The following SMURF2 variants were observed in gnomAD, a reference collection of about 807,000 sequenced individuals.
SMURF2 encodes the protein SMAD specific E3 ubiquitin protein ligase 2.
A neutral mutation model predicts 109.6 loss-of-function variants in SMURF2; 48 were observed. The observed-to-expected ratio is 0.44, with a 90% CI of 0.35 to 0.56. SMURF2 has a LOEUF of 0.56. SMURF2 is among the 20% of genes least tolerant of loss of function. SMURF2 has a pLI of 0.01. For synonymous variants in SMURF2, 288 were observed against 317.1 expected (o/e 0.91, Z 0.97); for missense variants, 575 against 909.0 (o/e 0.63, Z 4.72).
chr17:64,597,187 T>G (rs1969829704), intron 3 of SMURF2, among the ~76,000 whole-genome samples: 1 of 151,998 alleles, frequency 6.6e-6, no homozygotes, highest in Non-Finnish European at 1.5e-5. Flanking sequence ...GGGAGAATCT[T>G]GAGCCCAGGA....
intron 13 of SMURF2, 25 bp downstream of exon 13, chr17:64,557,583 T>C (rs1317978203): frequency 7.3e-7 from 1 of 1,372,622 alleles, no homozygotes; most frequent in African/African-American, 1.4e-5. Flanking sequence ...TTGGTCACAA[T>C]TCACATCATA....
intron 16 of SMURF2, 142 bp downstream of exon 16, chr17:64,551,442 T>C (rs2144589331): frequency 1.1e-6 from 1 of 887,558 alleles, no homozygotes; most frequent in Non-Finnish European, 1.7e-6. Flanking sequence ...TGAAAGACTT[T>C]TCCTGTGAAT....
In SMURF2 at chr17:64,544,984, G is replaced by GA. The variant is rs1293250716; in HGVS notation, c.*863dup. On this transcript the variant is annotated 3_prime_UTR_variant, in exon 19 of 19. Transcript: ENST00000262435. ...AAATCCCATCCCATCCACATGCTCT[G>GA]AGAAGCTATAAAAATGCAGTATTTT... is the stretch of plus-strand genomic sequence containing the variant. 1 of 152,102 alleles carries GA rather than the reference G, an allele frequency of 6.6e-6. No individual in the cohort carries two copies. The highest frequency in any genetic ancestry group is 1.5e-5 in the Non-Finnish European group (1 of 67,968). 9.4% of individuals were successfully genotyped at this position (152,102 alleles called of 1,614,324 possible). A position where few individuals can be genotyped will look rare whatever the true frequency, so the allele number is the denominator to read the frequency against.
intron 1 of SMURF2, among the ~76,000 whole-genome samples, chr17:64,625,665 C>T (rs1167783690): frequency 6.6e-6 from 1 of 152,126 alleles, no homozygotes; most frequent in East Asian, 1.9e-4. Flanking sequence ...CTTATCTCTT[C>T]CTAGAGGGCC....
At chr17:64,620,471 T>C (rs1555690535) in intron 1 of SMURF2, among the ~76,000 whole-genome samples, 1 of 152,160 alleles carries the variant, frequency 6.6e-6, no homozygotes, top group Non-Finnish European at 1.5e-5. Context: ...ACCCCTAGAC[T>C]GACAAGCTCA....
chr17:64,591,331 A>G (rs551500195), intron 4 of SMURF2, among the ~76,000 whole-genome samples, 182 bp from the exon 5 acceptor site: 1 of 151,920 alleles, frequency 6.6e-6, no homozygotes, highest in African/African-American at 2.4e-5. Flanking sequence ...CTTTCTCTCC[A>G]AAACTTTTAG....
Position 64,566,567 on chromosome 17 carries a change from T to G in SMURF2, c.1017-3601A>C, listed in dbSNP as rs1258145329. Among the ~76,000 whole-genome samples, 18 of 76,888 alleles carry G rather than the reference T, an allele frequency of 2.3e-4. 1 individual carries two copies. The highest frequency in any genetic ancestry group is 7.6e-4 in the African/African-American group (18 of 23,740). 50.4% of individuals were successfully genotyped at this position (76,888 alleles called of 152,430 possible). ...GAAATGCTTAAGCTTTCTGGTTTTT[T>G]TTTTTTTTTTTTTTTTTTTTTTTTG... On this transcript the variant is annotated intron_variant, in intron 10 of 18. Transcript: ENST00000262435.
At chr17:64,631,326 G>C (rs892800231) in intron 1 of SMURF2, among the ~76,000 whole-genome samples, 1 of 118,940 alleles carries the variant, frequency 8.4e-6, no homozygotes, top group East Asian at 2.2e-4. Context: ...GAGAGAGAGA[G>C]ACAGAGAGAG....
At chr17:64,563,434 C>A (rs190492006) in intron 10 of SMURF2, among the ~76,000 whole-genome samples, 1 of 152,278 alleles carries the variant, frequency 6.6e-6, no homozygotes, top group East Asian at 1.9e-4. Flanking sequence ...AGAAAATACA[C>A]CTTTGTTTAA....
At chr17:64,643,715 A>C (rs1406906411) in intron 1 of SMURF2, among the ~76,000 whole-genome samples, 1 of 152,146 alleles carries the variant, frequency 6.6e-6, no homozygotes, top group Non-Finnish European at 1.5e-5. Context: ...TCTTTGACCT[A>C]ATTAAGAGTG....
chr17:64,649,838 C>G (rs1455626825), intron 1 of SMURF2, among the ~76,000 whole-genome samples: 1 of 151,906 alleles, frequency 6.6e-6, no homozygotes, highest in African/African-American at 2.4e-5. Flanking sequence ...AGCGAGACAC[C>G]ATCTCAAAAA....
intron 1 of SMURF2, among the ~76,000 whole-genome samples, chr17:64,637,378 G>A (rs1022921895): frequency 2.0e-5 from 3 of 151,670 alleles, no homozygotes; most frequent in Admixed American, 6.6e-5. Context: ...CACTCGTCTC[G>A]ACCTCCCAAA....
chr17:64,604,110 A>G (rs1555688833), intron 2 of SMURF2, among the ~76,000 whole-genome samples: 1 of 152,206 alleles, frequency 6.6e-6, no homozygotes, highest in Non-Finnish European at 1.5e-5. Context: ...TAACAGGTCA[A>G]AAATCTGTAT....
At chr17:64,551,526 A>C in intron 16 of SMURF2, 58 bp downstream of exon 16, 1 of 1,574,062 alleles carries the variant, frequency 6.4e-7, no homozygotes, top group East Asian at 2.3e-5. Flanking sequence ...CTAAGTAACA[A>C]AATAATTCCC....
At chr17:64,584,136 G>A (rs546957576) in intron 6 of SMURF2, among the ~76,000 whole-genome samples, 3 of 151,496 alleles carry the variant, frequency 2.0e-5, no homozygotes, top group Non-Finnish European at 4.4e-5. Flanking sequence ...TGGCCAACAT[G>A]GTGAAACCCT....
At chr17:64,604,084 T>C (rs1555688826) in intron 2 of SMURF2, among the ~76,000 whole-genome samples, 2 of 152,226 alleles carry the variant, frequency 1.3e-5, no homozygotes, top group African/African-American at 4.8e-5. Context: ...TCTCTGAAAT[T>C]AATGTGGGCA....
intron 5 of SMURF2, among the ~76,000 whole-genome samples, chr17:64,589,790 C>A (rs1289762567): frequency 2.0e-5 from 3 of 152,050 alleles, no homozygotes; most frequent in African/African-American, 7.2e-5. Flanking sequence ...AGAATTAGTT[C>A]ATTATGTATT....
chr17:64,653,385 T>C (rs1337736727), intron 1 of SMURF2, among the ~76,000 whole-genome samples: 2 of 151,920 alleles, frequency 1.3e-5, no homozygotes, highest in African/African-American at 4.8e-5. Context: ...TCAAAGACAG[T>C]ATCAAGTGCT....
At chr17:64,587,208 A>C (rs1555687189) in intron 5 of SMURF2, among the ~76,000 whole-genome samples, 1 of 152,140 alleles carries the variant, frequency 6.6e-6, no homozygotes, top group African/African-American at 2.4e-5. Context: ...AAATAAAAAT[A>C]CACTGTATTC....
Sources: allele counts gnomAD v4.1 joint callset (sites outside exome capture counted in the v4.1 genomes callset), GRCh38; gene constraint gnomAD v4.1.1; transcripts MANE v1.5; gene names NCBI Gene and HGNC (gene_info 2026-07-23, HGNC 2026-07-21).